Variants in NALF1 observed in about 807,000 individuals in gnomAD.
NALF1 encodes family with sequence similarity 155 member A.
Under a neutral mutation model 48.4 loss-of-function variants are expected in NALF1, and 3 were observed. The ratio of observed to expected loss-of-function variants is 0.06; its 90% CI spans 0.03 to 0.16. NALF1 has a LOEUF of 0.16. Ranked by LOEUF, NALF1 falls within the 10% of genes least tolerant of loss-of-function variation. NALF1 has a pLI of 1.00. For synonymous variants in NALF1, 262 were observed against 245.7 expected, an observed-to-expected ratio of 1.07 and a Z score of -0.62; for missense variants, 526 against 571.5, an observed-to-expected ratio of 0.92 and a Z score of 0.81.
chr13:107,680,157 G>A (rs1263485410), intron 1 of NALF1, among the ~76,000 whole-genome samples: 2 of 152,162 alleles, frequency 1.3e-5, no homozygotes, highest in East Asian at 3.9e-4. Flanking sequence ...TGCCCACACA[G>A]GCTCTGCATT....
intron 1 of NALF1, among the ~76,000 whole-genome samples, chr13:107,407,315 G>C (rs985245367): frequency 1.3e-5 from 2 of 151,954 alleles, no homozygotes; most frequent in African/African-American, 2.4e-5. Flanking sequence ...ACAGTGAAGA[G>C]ACAATCCACA....
At chr13:107,543,828 C>T (rs994703600) in intron 1 of NALF1, among the ~76,000 whole-genome samples, 2 of 151,636 alleles carry the variant, frequency 1.3e-5, no homozygotes, top group Admixed American at 1.3e-4. Flanking sequence ...CACATATGTA[C>T]CCAACTCTAA....
chr13:107,252,161 A>C (rs1763443583), intron 1 of NALF1, among the ~76,000 whole-genome samples: 1 of 152,126 alleles, frequency 6.6e-6, no homozygotes, highest in Non-Finnish European at 1.5e-5. Context: ...CTCCTGGAGA[A>C]ACACCCACCT....
chr13:107,253,775 C>T (rs1880753092), intron 1 of NALF1, among the ~76,000 whole-genome samples: 1 of 152,082 alleles, frequency 6.6e-6, no homozygotes, highest in Admixed American at 6.6e-5. Context: ...GTGCATGCCA[C>T]CCTTCACCTC....
rs1471783190 is a variant in NALF1, at chr13:107,168,295, C to T, written c.*2202G>A. 1 of 152,146 alleles carries T rather than the reference C, an allele frequency of 6.6e-6. No individual in the cohort carries two copies. The highest frequency in any genetic ancestry group is 1.5e-5 in the Non-Finnish European group (1 of 68,034). 9.4% of individuals were successfully genotyped at this position (152,146 alleles called of 1,614,324 possible). On this transcript the variant is annotated 3_prime_UTR_variant, in exon 3 of 3. Transcript: ENST00000375915. ...CCCAGCGCCATTGAAATCTGTATTC[C>T]ACCATTGGTTGGGATACCAAAGTGC...
chr13:107,306,737 G>A (rs559874912), intron 1 of NALF1, among the ~76,000 whole-genome samples: 1 of 152,204 alleles, frequency 6.6e-6, no homozygotes, highest in Non-Finnish European at 1.5e-5. Flanking sequence ...GCTGAGGGAA[G>A]TGGATCGCTT....
chr13:107,525,339 C>G (rs1338060800), intron 1 of NALF1, among the ~76,000 whole-genome samples: 1 of 152,056 alleles, frequency 6.6e-6, no homozygotes, highest in Non-Finnish European at 1.5e-5. Flanking sequence ...TGTCTTTTCC[C>G]AAATGTAATA....
At chr13:107,772,553 G>A (rs1005682570) in intron 1 of NALF1, among the ~76,000 whole-genome samples, 1 of 151,974 alleles carries the variant, frequency 6.6e-6, no homozygotes, top group Admixed American at 6.6e-5. Context: ...AATGCTATGT[G>A]AAAAAAAGTC....
chr13:107,390,270 G>A (rs1012998484), intron 1 of NALF1, among the ~76,000 whole-genome samples: 1 of 151,900 alleles, frequency 6.6e-6, no homozygotes, highest in East Asian at 1.9e-4. Context: ...GCTTGAGCCC[G>A]GGAGGTGGAG....
chr13:107,679,706 C>T (rs1881227908), intron 1 of NALF1, among the ~76,000 whole-genome samples: 1 of 152,148 alleles, frequency 6.6e-6, no homozygotes, highest in Non-Finnish European at 1.5e-5. Flanking sequence ...GCACCATGGG[C>T]AACCTGGCCT....
chr13:107,633,306 G>C (rs950863918), intron 1 of NALF1, among the ~76,000 whole-genome samples: 14 of 152,040 alleles, frequency 9.2e-5, no homozygotes, highest in African/African-American at 2.7e-4. Flanking sequence ...AATTGTGTCA[G>C]AGTACTCAAG....
chr13:107,791,884 C>A (rs988518115), intron 1 of NALF1, among the ~76,000 whole-genome samples: 1 of 152,016 alleles, frequency 6.6e-6, no homozygotes, highest in Non-Finnish European at 1.5e-5. Flanking sequence ...TGCTTGAACC[C>A]GGGAGGTGAA....
At chr13:107,648,155 A>G (rs1473635753) in intron 1 of NALF1, among the ~76,000 whole-genome samples, 1 of 152,168 alleles carries the variant, frequency 6.6e-6, no homozygotes, top group African/African-American at 2.4e-5. Context: ...TACATTTGTT[A>G]CAACCGATGA....
intron 1 of NALF1, among the ~76,000 whole-genome samples, chr13:107,706,776 C>A (rs1402553703): frequency 6.6e-6 from 1 of 152,174 alleles, no homozygotes; most frequent in East Asian, 1.9e-4. Flanking sequence ...CTGTAAACAT[C>A]CTGCTTTCAA....
chr13:107,443,169 A>AATCT (rs10564280), intron 1 of NALF1, among the ~76,000 whole-genome samples: 8,846 of 128,194 alleles, frequency 0.069, 274 homozygotes, highest in East Asian at 0.1. Context: ...TTTATCTAAC[A>AATCT]ATCTATCTAT....
At chr13:107,663,583 T>G (rs1880782750) in intron 1 of NALF1, among the ~76,000 whole-genome samples, 1 of 152,200 alleles carries the variant, frequency 6.6e-6, no homozygotes. Flanking sequence ...TTTTAATATC[T>G]CATACCACAG....
At chr13:107,657,426 G>A (rs1366229569) in intron 1 of NALF1, among the ~76,000 whole-genome samples, 2 of 152,102 alleles carry the variant, frequency 1.3e-5, no homozygotes, top group African/African-American at 2.4e-5. Context: ...AAGTATTTGT[G>A]CATATGTTTG....
intron 1 of NALF1, among the ~76,000 whole-genome samples, chr13:107,418,818 A>C (rs1465243349): frequency 1.3e-5 from 2 of 152,188 alleles, no homozygotes; most frequent in Admixed American, 6.6e-5. Context: ...ACATACATGT[A>C]ATACCCCTGA....
At chr13:107,305,649 T>C (rs914183025) in intron 1 of NALF1, among the ~76,000 whole-genome samples, 5 of 152,186 alleles carry the variant, frequency 3.3e-5, no homozygotes, top group East Asian at 1.9e-4. Flanking sequence ...CATGGTCTCA[T>C]TGAATACTAT....
Sources: allele counts gnomAD v4.1 joint callset (sites outside exome capture counted in the v4.1 genomes callset), GRCh38; gene constraint gnomAD v4.1.1; transcripts MANE v1.5; gene names NCBI Gene and HGNC (gene_info 2026-07-23, HGNC 2026-07-21).